The following ZFYVE16 variants were observed in gnomAD, a reference collection of about 807,000 sequenced individuals.
The protein encoded by ZFYVE16 is zinc finger FYVE domain-containing protein 16.
In ZFYVE16, 89 loss-of-function variants were observed where a neutral mutation model predicts 138.1. The ratio of observed to expected loss-of-function variants is 0.64; its 90% CI spans 0.54 to 0.77. The LOEUF (loss-of-function observed/expected upper bound fraction) is 0.77, where lower values mean the gene tolerates loss of function less well. Among genes scored for constraint, ZFYVE16 ranks in the 30% least tolerant of loss-of-function variants. The pLI is 0.00. For missense variants in ZFYVE16, 1,793 were observed against 1,786.7 expected (o/e 1.00, Z -0.06); for synonymous variants, 596 against 618.3 (o/e 0.96, Z 0.53).
chr5:80,433,851 ACCCAT>A (rs1345252734), intron 2 of ZFYVE16, among the ~76,000 whole-genome samples: 1 of 152,104 alleles, frequency 6.6e-6, no homozygotes, highest in Admixed American at 6.6e-5. Flanking sequence ...TTCTTCTTTG[ACCCAT>A]GAGTTATTTA....
intron 2 of ZFYVE16, among the ~76,000 whole-genome samples, chr5:80,431,344 AT>A (rs1748988779): frequency 6.6e-6 from 1 of 152,220 alleles, no homozygotes; most frequent in African/African-American, 2.4e-5. Flanking sequence ...AAACCACATG[AT>A]TATCTCAATA....
chr5:80,457,661 A>G (rs1752657688), intron 14 of ZFYVE16, among the ~76,000 whole-genome samples: 1 of 152,182 alleles, frequency 6.6e-6, no homozygotes, highest in South Asian at 2.1e-4. Flanking sequence ...CTGGCTGCCA[A>G]TAAAATTTTT....
chr5:80,462,565 C>G (rs984175341), intron 15 of ZFYVE16, among the ~76,000 whole-genome samples: 1 of 152,134 alleles, frequency 6.6e-6, no homozygotes, highest in Non-Finnish European at 1.5e-5. Context: ...GGTGGGGACA[C>G]AAAGCCTAAC....
rs1411125080 is a variant in ZFYVE16 at position 80,473,849 on chromosome 5, A to G, written c.4283A>G (p.Lys1428Arg). ...TTTGAAACCGATGAGAAGATTGTAA[A>G]ATGTACCGAGGTAACTAAGAAAGAA... The part of the protein sequence containing the change: ...ADFETDEKIV[K>R]CTEVFYFLKD... Residue 1428 changes from lysine to arginine, a missense_variant, in exon 17 of 19, where the codon AAA becomes AGA. Coordinates refer to ENST00000505560, the MANE Select transcript of ZFYVE16 (RefSeq NM_001284236.3). The G allele has an allele frequency of 6.2e-7, 1 of 1,612,268 alleles. No homozygotes were observed. Among genetic ancestry groups the G allele is most frequent in the Non-Finnish European group, 8.5e-7 (1 of 1,178,928 alleles).
In ZFYVE16 at chr5:80,461,727, G is replaced by C. The variant is rs550140593; in HGVS notation, c.4024+2233G>C. ...GTGGTGGGTCACACCTGTAATCCCA[G>C]CTCTTAGGGAGGCTGAGGCAGGTGG... On this transcript the variant is annotated intron_variant, in intron 15 of 18. Transcript: ENST00000505560. 2.0e-5 allele frequency among the ~76,000 whole-genome samples: 3 copies of C among 152,214 alleles called. No homozygotes were observed. In the South Asian group the frequency reaches 6.2e-4, roughly 32 times the overall value.
At chr5:80,410,261 A>G (rs1364937404) in intron 1 of ZFYVE16, 1 of 152,106 alleles carries the variant, frequency 6.6e-6, no homozygotes, top group African/African-American at 2.4e-5. Flanking sequence ...CTATTGGTAC[A>G]TATTGTCACA....
chr5:80,428,041 G>A (rs1338687398), intron 2 of ZFYVE16, among the ~76,000 whole-genome samples: 1 of 143,856 alleles, frequency 7.0e-6, no homozygotes, highest in Non-Finnish European at 1.5e-5. Context: ...CCAGTCTACA[G>A]CTCCCAGCGT....
At position 80,438,569 on chromosome 5, in the gene ZFYVE16, T is replaced by C; in HGVS notation, c.1884T>C (p.Ser628=). Residue 628 remains serine, a synonymous_variant, in exon 4 of 19, where the codon TCT becomes TCC. Transcript: ENST00000505560. The part of the protein sequence containing the change: ...PVQQGLPTSK[S]EITNQLSVSD... ...AACAAGGGTTACCTACCAGTAAGTC[T>C]GAGATTACAAATCAATTATCGGTCT... The C allele has an allele frequency of 6.2e-7, 1 of 1,614,130 alleles. No homozygotes were observed. The highest frequency in any genetic ancestry group is 1.1e-5 in the South Asian group (1 of 91,080).
At position 80,438,184 on chromosome 5, in the gene ZFYVE16, TTAA is replaced by T. The variant is rs1301092327; in HGVS notation, c.1502_1504del (p.Asn501del). 1 of 1,613,956 alleles carries T rather than the reference TTAA, an allele frequency of 6.2e-7. No homozygotes were observed. ...TCTTCTGATTGTTGTGAAGGTTTTA[TTAA>T]TACTTTTTCAAGCAATGATATGGAT... is the stretch of plus-strand genomic sequence containing the variant. On this transcript the variant is annotated inframe_deletion, in exon 4 of 19. Coordinates refer to ENST00000505560, the MANE Select transcript of ZFYVE16 (RefSeq NM_001284236.3).
chr5:80,408,445 G>C (rs1744935102), intron 1 of ZFYVE16, among the ~76,000 whole-genome samples: 1 of 152,372 alleles, frequency 6.6e-6, no homozygotes, highest in South Asian at 2.1e-4. Context: ...GGCCGCCGGA[G>C]TGTTCGGCGC....
Position 80,421,902 on chromosome 5 carries a change from A to T in ZFYVE16, c.-93-5590A>T, listed in dbSNP as rs371667107. On this transcript the variant is annotated intron_variant, in intron 1 of 18. Coordinates refer to ENST00000505560, the MANE Select transcript of ZFYVE16 (RefSeq NM_001284236.3). ...TACCTTGGGCAGTATGGCGATTTTC[A>T]TGATATTGATTCTTCCTATCCAAGA... 1.1e-4 allele frequency among the ~76,000 whole-genome samples: 17 copies of T among 152,288 alleles called. 1 individual carries two copies. The highest frequency in any genetic ancestry group is 3.9e-4 in the African/African-American group (16 of 41,556).
chr5:80,441,360 T>C lies in ZFYVE16; in HGVS notation c.2419+1328T>C, dbSNP rs1750689338. ...AGAATACTGAGATCAAGCTTTGGTT[T>C]ATCAAAGAAAATACTGTGGAATGAG... On this transcript the variant is annotated intron_variant, in intron 5 of 18. Transcript: ENST00000505560. 1.0e-5 allele frequency: 10 copies of C among 985,322 alleles called. No homozygotes were observed. In the South Asian group the frequency reaches 4.7e-4, roughly 46 times the overall value. The allele number at this position is 985,322 out of a possible 1,614,324, so 61.0% of individuals were successfully genotyped here.
In ZFYVE16 at chr5:80,445,355, A is replaced by G; in HGVS notation, c.2674A>G (p.Ser892Gly). The G allele has an allele frequency of 6.2e-7, 1 of 1,614,026 alleles. No homozygotes were observed. Among genetic ancestry groups the G allele is most frequent in the African/African-American group, 1.3e-5 (1 of 75,054 alleles). Reference sequence around the variant, plus strand: ...AGATACAACAAAATTATCATCTGGAAGTAAAAGATGTTCTGAAGACTTTAG... The same window carrying G: ...AGATACAACAAAATTATCATCTGGAGGTAAAAGATGTTCTGAAGACTTTAG... ...VADTTKLSSGSKRCSEDFSPL... is the reference protein window; with the variant it reads ...VADTTKLSSGGKRCSEDFSPL... The change falls in exon 7 of 19, where the codon AGT becomes GGT. Residue 892 changes from serine (S) to glycine (G), a missense_variant. Transcript: ENST00000505560.
At chr5:80,471,362 GT>G (rs1754358889) in intron 15 of ZFYVE16, among the ~76,000 whole-genome samples, 1 of 152,116 alleles carries the variant, frequency 6.6e-6, no homozygotes, top group Admixed American at 6.5e-5. Context: ...CTGTGCTTCT[GT>G]TTTAAGGCTC....
At chr5:80,465,801 CTT>C (rs1341095632) in intron 15 of ZFYVE16, among the ~76,000 whole-genome samples, 2 of 152,056 alleles carry the variant, frequency 1.3e-5, no homozygotes, top group African/African-American at 4.8e-5. Flanking sequence ...TCATGACACT[CTT>C]TGTCATTCAC....
chr5:80,413,183 A>G (rs1044999946), intron 1 of ZFYVE16, among the ~76,000 whole-genome samples: 3 of 149,606 alleles, frequency 2.0e-5, no homozygotes, highest in Non-Finnish European at 2.9e-5. Context: ...CTCAAAAAAG[A>G]AGAGAGGGCT....
At position 80,437,226 on chromosome 5, in the gene ZFYVE16, G is replaced by A; in HGVS notation, c.541G>A (p.Asp181Asn). The A allele has an allele frequency of 6.2e-7, 1 of 1,613,976 alleles. No homozygotes were observed. Residue 181 changes from aspartate to asparagine, a missense_variant, in exon 4 of 19, where the codon GAT becomes AAT. Asp to Asn is a conservative substitution (Grantham distance 23, BLOSUM62 1). This residue lies in a region of ZFYVE16 where 1,295 missense variants were observed against 1,204.3 expected (regional missense o/e 1.08). Transcript: ENST00000505560. ...DTPCVSSTDH[D>N]SDTVREQQND... Reference sequence around the variant, plus strand: ...TCCCTGTGTTTCTTCAACAGACCATGATAGTGATACTGTCAGAGAACAACA... The same window carrying A: ...TCCCTGTGTTTCTTCAACAGACCATAATAGTGATACTGTCAGAGAACAACA...
At position 80,481,467 on chromosome 5, in the gene ZFYVE16, G is replaced by GT. The variant is rs556446227; in HGVS notation, c.*4093dup. On this transcript the variant is annotated 3_prime_UTR_variant, in exon 19 of 19. Coordinates refer to ENST00000505560, the MANE Select transcript of ZFYVE16 (RefSeq NM_001284236.3). ...AATTACAGTGTAGGCCACTGTCCAAGTTTCAGATTGGCCACTAGATGGTGC... is the reference window on the plus strand; with the variant it reads ...AATTACAGTGTAGGCCACTGTCCAAGTTTTCAGATTGGCCACTAGATGGTGC... 1.1e-3 allele frequency among the ~76,000 whole-genome samples: 171 copies of GT among 152,200 alleles called. No individual in the cohort carries two copies. Among genetic ancestry groups the GT allele is most frequent in the African/African-American group, 4.0e-3 (165 of 41,540 alleles).
chr5:80,441,759 A>G (rs1417215104), intron 5 of ZFYVE16: 2 of 985,430 alleles, frequency 2.0e-6, no homozygotes, highest in East Asian at 2.3e-4. Flanking sequence ...TTTGGATTTC[A>G]CTTGGTTAAT....
Sources: allele counts gnomAD v4.1 joint callset (sites outside exome capture counted in the v4.1 genomes callset), GRCh38; gene constraint gnomAD v4.1.1; regional missense constraint gnomAD v4.1.1; transcripts MANE v1.5; gene names NCBI Gene and HGNC (gene_info 2026-07-23, HGNC 2026-07-21).